Variants in ABAT observed in about 807,000 individuals in gnomAD.
The protein encoded by ABAT is 4-aminobutyrate aminotransferase, mitochondrial.
ABAT carries 45 observed loss-of-function variants against 64.6 expected under a neutral mutation model. The observed-to-expected ratio is 0.70, with a 90% CI of 0.55 to 0.89. ABAT has a LOEUF of 0.89. Ranked by LOEUF, ABAT falls within the 40% of genes least tolerant of loss-of-function variation. ABAT has a pLI of 0.00. For missense variants in ABAT, 633 were observed against 658.4 expected, an observed-to-expected ratio of 0.96 and a Z score of 0.42; for synonymous variants, 297 against 250.5, an observed-to-expected ratio of 1.19 and a Z score of -1.75.
chr16:8,768,844 C>T lies in ABAT; in HGVS notation c.687C>T (p.His229=). 1 of 1,614,222 alleles carries T rather than the reference C, an allele frequency of 6.2e-7. No homozygotes were observed. The highest frequency in any genetic ancestry group is 8.5e-7 in the Non-Finnish European group (1 of 1,180,044). Residue 229 remains histidine (H), a synonymous_variant, in exon 11 of 16, where the codon CAC becomes CAT. Transcript: ENST00000268251. ...GRTMGCLATT[H]SKAIHKIDIP... ...ACTCAGGTTGCTTAGCGACCACGCA[C>T]TCTAAAGCCATTCACAAGATCGACA...
At chr16:8,775,593 G>A (rs1340800723) in intron 13 of ABAT, among the ~76,000 whole-genome samples, 1 of 152,024 alleles carries the variant, frequency 6.6e-6, no homozygotes, top group African/African-American at 2.4e-5. Flanking sequence ...CAGCCATCAG[G>A]GGCCAACGTC....
Position 8,764,227 on chromosome 16 carries a change from T to A in ABAT, c.447+78T>A. 8.5e-7 allele frequency: 1 copy of A among 1,179,748 alleles called. No homozygotes were observed. Among genetic ancestry groups the A allele is most frequent in the Non-Finnish European group, 1.3e-6 (1 of 791,016 alleles). The allele number at this position is 1,179,748 out of a possible 1,614,324, so 73.1% of individuals were successfully genotyped here. A position where few individuals can be genotyped will look rare whatever the true frequency, so the allele number is the denominator to read the frequency against. On this transcript the variant is annotated intron_variant, in intron 7 of 15. Coordinates refer to ENST00000268251, the MANE Select transcript of ABAT (RefSeq NM_020686.6). This position sits in a 1 kb window ranked among gnomAD's most constrained non-coding sequence, Gnocchi z 4.2. ...AAGGGAAAAGTGGAGACGCCAACAA[T>A]GAAGAATAAGGTGTTGCTACAGAAA...
At chr16:8,753,303 G>A (rs1303656717) in intron 5 of ABAT, among the ~76,000 whole-genome samples, 1 of 152,134 alleles carries the variant, frequency 6.6e-6, no homozygotes, top group African/African-American at 2.4e-5. Flanking sequence ...CACCGTGTTA[G>A]CCAGGATGGT....
intron 1 of ABAT, among the ~76,000 whole-genome samples, chr16:8,686,358 G>C (rs907694259): frequency 2.0e-5 from 3 of 152,234 alleles, no homozygotes; most frequent in Non-Finnish European, 4.4e-5. Context: ...GCCACACACA[G>C]AAGAGTGTGG....
At chr16:8,722,949 T>C in intron 1 of ABAT, 3 of 1,089,660 alleles carry the variant, frequency 2.8e-6, no homozygotes, top group Non-Finnish European at 3.7e-6. Flanking sequence ...TTAGAAACAA[T>C]GTGATCCAGC....
At chr16:8,693,874 C>T (rs1414067536) in intron 1 of ABAT, among the ~76,000 whole-genome samples, 2 of 152,094 alleles carry the variant, frequency 1.3e-5, no homozygotes, top group African/African-American at 2.4e-5. Context: ...CACACACAGT[C>T]ATAAGAAATG....
At chr16:8,731,018 G>C (rs1378715483) in intron 1 of ABAT, among the ~76,000 whole-genome samples, 1 of 152,152 alleles carries the variant, frequency 6.6e-6, no homozygotes, top group Non-Finnish European at 1.5e-5. Flanking sequence ...ACTGGAGTGC[G>C]GTGGTGTGAT....
chr16:8,759,070 C>G (rs906674261), intron 6 of ABAT, among the ~76,000 whole-genome samples: 1 of 151,878 alleles, frequency 6.6e-6, no homozygotes, highest in African/African-American at 2.4e-5. Flanking sequence ...CCACTGCACT[C>G]CAGCTTGGGT....
Position 8,735,753 on chromosome 16 carries a change from T to G in ABAT, c.14T>G (p.Leu5Trp), listed in dbSNP as rs1346245434. The G allele has an allele frequency of 1.9e-6, 3 of 1,606,236 alleles. No homozygotes were observed. In the African/African-American group the frequency reaches 4.0e-5, roughly 21 times the overall value. The change falls in exon 2 of 16, where the codon TTG becomes TGG. Residue 5 changes from leucine (L) to tryptophan (W), a missense_variant. Transcript: ENST00000268251. MASM[L>W]LAQRLACSFQ... Reference sequence around the variant, plus strand: ...CCTCAAGGGGTCATGGCCTCCATGTTGCTCGCCCAGCGCCTGGCCTGCAGC... The same window carrying G: ...CCTCAAGGGGTCATGGCCTCCATGTGGCTCGCCCAGCGCCTGGCCTGCAGC...
At chr16:8,745,808 C>A (rs1353471105) in intron 2 of ABAT, among the ~76,000 whole-genome samples, 193 bp from the exon 3 acceptor site, 1 of 152,186 alleles carries the variant, frequency 6.6e-6, no homozygotes, top group Non-Finnish European at 1.5e-5. Flanking sequence ...TGGGTTTTCC[C>A]TTTTTTAAAA....
chr16:8,778,058 T>C (rs2060318566), intron 14 of ABAT, among the ~76,000 whole-genome samples: 1 of 152,154 alleles, frequency 6.6e-6, no homozygotes, highest in African/African-American at 2.4e-5. Context: ...TGCCGTGAAA[T>C]AAGACTTGCT....
intron 1 of ABAT, among the ~76,000 whole-genome samples, chr16:8,686,249 T>C (rs906943191): frequency 6.6e-6 from 1 of 152,228 alleles, no homozygotes; most frequent in Non-Finnish European, 1.5e-5. Context: ...GGAGCATTTG[T>C]GCAAATGAAT....
At chr16:8,778,456 C>G (rs1217661727) in intron 14 of ABAT, among the ~76,000 whole-genome samples, 3 of 152,102 alleles carry the variant, frequency 2.0e-5, no homozygotes, top group Non-Finnish European at 4.4e-5. Flanking sequence ...GTGTCTGTCT[C>G]CAGATTGTCT....
chr16:8,760,196 A>T (rs2059757271), intron 6 of ABAT: 1 of 152,200 alleles, frequency 6.6e-6, no homozygotes, highest in Non-Finnish European at 1.5e-5. Flanking sequence ...CAGTTCTCCA[A>T]ATCGATCGCA....
At chr16:8,746,385 T>C (rs908994018) in intron 3 of ABAT, among the ~76,000 whole-genome samples, 28 of 151,536 alleles carry the variant, frequency 1.8e-4, no homozygotes, top group African/African-American at 6.8e-4. Context: ...AAACCCTGTC[T>C]GTACTCAAAA....
intron 5 of ABAT, among the ~76,000 whole-genome samples, chr16:8,751,240 T>C (rs1641012): frequency 0.89 from 135,643 of 152,110 alleles, 60,919 homozygotes; most frequent in East Asian, 1. Context: ...TGAGCCACTA[T>C]ACCCAGCCTA....
chr16:8,748,802 C>T (rs534418332), intron 4 of ABAT, among the ~76,000 whole-genome samples: 1 of 152,160 alleles, frequency 6.6e-6, no homozygotes, highest in Admixed American at 6.5e-5. Context: ...TTTTTATAGT[C>T]TATTTTTTCT....
intron 1 of ABAT, among the ~76,000 whole-genome samples, chr16:8,680,721 C>T (rs76864080): frequency 0.071 from 10,864 of 152,250 alleles, 561 homozygotes; most frequent in Admixed American, 0.13. Flanking sequence ...AGCCACTGCG[C>T]CCGACCTCCA....
At chr16:8,726,359 C>G (rs1424400950) in intron 1 of ABAT, among the ~76,000 whole-genome samples, 1 of 151,262 alleles carries the variant, frequency 6.6e-6, no homozygotes, top group East Asian at 1.9e-4. Context: ...CTCCCGGGTT[C>G]AAGCGATTCT....
Sources: gnomAD v4.1 joint callset for allele counts (sites outside exome capture counted in the v4.1 genomes callset) on GRCh38, gnomAD v4.1.1 for gene constraint, Gnocchi (gnomAD v3.1) non-coding constraint, MANE v1.5 for transcripts, NCBI Gene and HGNC (gene_info 2026-07-23, HGNC 2026-07-21) for gene names.